Variants in STT3B observed in about 807,000 individuals in gnomAD.
STT3B encodes STT3 oligosaccharyltransferase complex catalytic subunit B, also known as dolichyl-diphosphooligosaccharide--protein glycosyltransferase subunit STT3B.
A neutral mutation model predicts 96.8 loss-of-function variants in STT3B; 29 were observed. The observed-to-expected ratio is 0.30, with a 90% CI of 0.22 to 0.41. The LOEUF (loss-of-function observed/expected upper bound fraction) is 0.41. Among genes scored for constraint, STT3B ranks in the 10% least tolerant of loss-of-function variants. The pLI, the probability that STT3B is intolerant of heterozygous loss-of-function variation, is 1.00. For synonymous variants in STT3B, 367 were observed against 360.0 expected (o/e 1.02, Z -0.22); for missense variants, 640 against 1,022.3 (o/e 0.63, Z 5.10).
chr3:31,540,309 CTT>C (rs1270298444), intron 1 of STT3B, among the ~76,000 whole-genome samples: 2 of 151,994 alleles, frequency 1.3e-5, no homozygotes, highest in Non-Finnish European at 2.9e-5. Context: ...AATTTTAAAA[CTT>C]TATTCTTTTT....
chr3:31,543,835 C>T (rs1002223947), intron 1 of STT3B, among the ~76,000 whole-genome samples: 2 of 152,120 alleles, frequency 1.3e-5, no homozygotes, highest in African/African-American at 4.8e-5. Flanking sequence ...CTTCCAAGTA[C>T]AAGTAACTCT....
intron 2 of STT3B, among the ~76,000 whole-genome samples, chr3:31,577,648 T>C (rs1039103548): frequency 1.1e-4 from 16 of 152,260 alleles, no homozygotes; most frequent in Admixed American, 9.2e-4. Flanking sequence ...ATGTTCTCCA[T>C]GATAGTAAGG....
intron 1 of STT3B, among the ~76,000 whole-genome samples, chr3:31,566,737 T>C (rs1231265121): frequency 1.3e-5 from 2 of 152,126 alleles, no homozygotes; most frequent in East Asian, 3.9e-4. Context: ...CTTCTTCCCA[T>C]TTTACTCTTT....
chr3:31,541,452 GTCTTTTTTTT>G (rs1471236698), intron 1 of STT3B, among the ~76,000 whole-genome samples: 4 of 132,056 alleles, frequency 3.0e-5, no homozygotes, highest in Non-Finnish European at 6.6e-5. Flanking sequence ...TGGCTTTTGT[GTCTTTTTTTT>G]TCTTTTTTTG....
chr3:31,533,324 G>C lies in STT3B; in HGVS notation c.314+12G>C, dbSNP rs774524293. 1.3e-6 allele frequency: 2 copies of C among 1,513,386 alleles called. No individual in the cohort carries two copies. The highest frequency in any genetic ancestry group is 1.8e-6 in the Non-Finnish European group (2 of 1,129,662). 93.7% of individuals were successfully genotyped at this position (1,513,386 alleles called of 1,614,324 possible). A position where few individuals can be genotyped will look rare whatever the true frequency, so the allele number is the denominator to read the frequency against. On this transcript the variant is annotated intron_variant, in intron 1 of 15. Transcript: ENST00000295770. The stretch of plus-strand genomic sequence containing the variant: ...GAGTTCGACCCGTGGTAAGTGCCTC[G>C]CCGCCCCTCCCCCGCCCGTGGCCCG...
At chr3:31,540,038 C>G (rs1223986171) in intron 1 of STT3B, among the ~76,000 whole-genome samples, 1 of 152,068 alleles carries the variant, frequency 6.6e-6, no homozygotes, top group African/African-American at 2.4e-5. Flanking sequence ...TATAGCTTGG[C>G]TAGATTCTTT....
chr3:31,545,062 T>C (rs1328905046), intron 1 of STT3B, among the ~76,000 whole-genome samples: 1 of 152,194 alleles, frequency 6.6e-6, no homozygotes, highest in Admixed American at 6.5e-5. Context: ...AAGGCTTTTA[T>C]TTTAATATGC....
chr3:31,583,719 G>T (rs1023848646), intron 3 of STT3B, among the ~76,000 whole-genome samples: 1 of 152,068 alleles, frequency 6.6e-6, no homozygotes, highest in Non-Finnish European at 1.5e-5. Flanking sequence ...GTAATTACTC[G>T]TAAAGAGGTA....
intron 15 of STT3B, 46 bp downstream of exon 15, chr3:31,633,193 G>A: frequency 6.6e-7 from 1 of 1,524,634 alleles, no homozygotes; most frequent in Non-Finnish European, 8.9e-7. Flanking sequence ...AGGTGTGTTG[G>A]TTTGTATGAA....
intron 1 of STT3B, among the ~76,000 whole-genome samples, chr3:31,550,322 G>A (rs558077291): frequency 2.6e-4 from 40 of 152,318 alleles, no homozygotes; most frequent in Non-Finnish European, 4.3e-4. Flanking sequence ...CATTTTTGCA[G>A]CCTTTAAACA....
Position 31,560,537 on chromosome 3 carries a change from T to A in STT3B, c.315-15859T>A, listed in dbSNP as rs888608215. Among the ~76,000 whole-genome samples the A allele has an allele frequency of 2.6e-5, 4 of 152,198 alleles. 1 individual carries two copies. The highest frequency in any genetic ancestry group is 1.9e-4 in the East Asian group (1 of 5,176). On this transcript the variant is annotated intron_variant, in intron 1 of 15. Transcript: ENST00000295770. ...GATAATTTGCTGGATATAGTATCAT[T>A]AGCAATTTTTTTTTCTTTCAGCACT... is the stretch of plus-strand genomic sequence containing the variant.
At chr3:31,577,838 A>G (rs952112552) in intron 2 of STT3B, among the ~76,000 whole-genome samples, 10 of 152,254 alleles carry the variant, frequency 6.6e-5, no homozygotes, top group Admixed American at 2.0e-4. Context: ...TAATCTTATC[A>G]TATACCTAAA....
chr3:31,582,396 A>G (rs972520923), intron 3 of STT3B, among the ~76,000 whole-genome samples: 8 of 151,312 alleles, frequency 5.3e-5, no homozygotes, highest in African/African-American at 1.7e-4. Flanking sequence ...CCCAGGTTCA[A>G]GCGATTCTCT....
intron 3 of STT3B, among the ~76,000 whole-genome samples, chr3:31,592,815 G>A (rs571483330): frequency 6.6e-6 from 1 of 152,262 alleles, no homozygotes; most frequent in South Asian, 2.1e-4. Context: ...GAATGTCATA[G>A]TCTTTAGTAT....
intron 1 of STT3B, among the ~76,000 whole-genome samples, chr3:31,573,292 A>G (rs1455418828): frequency 6.6e-6 from 1 of 152,196 alleles, no homozygotes; most frequent in Non-Finnish European, 1.5e-5. Context: ...AGAGAGTTGC[A>G]ATATGATCAC....
intron 3 of STT3B, among the ~76,000 whole-genome samples, chr3:31,588,781 T>G (rs2125457537): frequency 6.6e-6 from 1 of 152,204 alleles, no homozygotes; most frequent in South Asian, 2.1e-4. Flanking sequence ...ATTCTTTTTC[T>G]ATGTATTGCC....
chr3:31,591,935 A>AT (rs1180088629), intron 3 of STT3B, among the ~76,000 whole-genome samples: 6 of 151,904 alleles, frequency 3.9e-5, no homozygotes, highest in Non-Finnish European at 7.4e-5. Context: ...TTTTGCCTTC[A>AT]TTTTTCCCCC....
intron 14 of STT3B, 41 bp downstream of exon 14, chr3:31,629,452 A>G (rs1316108852): frequency 2.6e-6 from 3 of 1,162,738 alleles, no homozygotes; most frequent in Non-Finnish European, 3.8e-6. Context: ...ATTCAAAATA[A>G]TGTTTAAAAC....
At chr3:31,564,375 A>G (rs1304356858) in intron 1 of STT3B, among the ~76,000 whole-genome samples, 1 of 152,182 alleles carries the variant, frequency 6.6e-6, no homozygotes, top group African/African-American at 2.4e-5. Flanking sequence ...ATTCCTTCAT[A>G]TTTGCCCAGA....
Sources: gnomAD v4.1 joint callset for allele counts (sites outside exome capture counted in the v4.1 genomes callset) on GRCh38, gnomAD v4.1.1 for gene constraint, MANE v1.5 for transcripts, NCBI Gene and HGNC (gene_info 2026-07-23, HGNC 2026-07-21) for gene names.